Variants in TRAPPC9 observed in about 807,000 individuals in gnomAD.
TRAPPC9 encodes the protein trafficking protein particle complex subunit 9.
A neutral mutation model predicts 124.0 loss-of-function variants in TRAPPC9; 83 were observed. That is an observed-to-expected ratio of 0.67 (90% CI 0.56 to 0.80). The LOEUF is 0.80. TRAPPC9 is among the 30% of genes least tolerant of loss of function. TRAPPC9 has a pLI of 0.00. For missense variants in TRAPPC9, 1,302 were observed against 1,508.3 expected (o/e 0.86, Z 2.27); for synonymous variants, 638 against 617.5 (o/e 1.03, Z -0.49).
rs140999098 is a variant in TRAPPC9, at chr8:140,365,594, T to C, written c.1351+5370A>G. ...CATCTGAATGCACCCAGCTCTGAGC[T>C]GCAGATGGCTGGCAAGCAGGGCCCA... On this transcript the variant is annotated intron_variant, in intron 8 of 22. Transcript: ENST00000438773. Among the ~76,000 whole-genome samples the C allele has an allele frequency of 5.4e-4, 83 of 152,334 alleles. No individual in the cohort carries two copies. In the East Asian group the frequency reaches 0.015, roughly 28 times the overall value.
chr8:140,242,303 C>G (rs770564718), intron 16 of TRAPPC9, among the ~76,000 whole-genome samples: 1 of 152,066 alleles, frequency 6.6e-6, no homozygotes, highest in Non-Finnish European at 1.5e-5. Context: ...ACTAGGCTCC[C>G]GTGAAGGCTC....
rs139973222 is a variant in TRAPPC9, at chr8:140,287,440, C to T, written c.1981+168G>A. Among the ~76,000 whole-genome samples the T allele has an allele frequency of 3.3e-3, 502 of 152,206 alleles. 2 individuals carry two copies. The highest frequency in any genetic ancestry group is 0.011 in the African/African-American group (458 of 41,528). ...GGACCCCTCCCACCACCACACATCC[C>T]GCACCCCACGAACAGGTTTTTTTCA... On this transcript the variant is annotated intron_variant, in intron 13 of 22. Transcript: ENST00000438773.
In TRAPPC9 at chr8:139,801,859, C is replaced by T. The variant is rs1823555566; in HGVS notation, c.3056-69657G>A. Among the ~76,000 whole-genome samples, 3 of 152,188 alleles carry T rather than the reference C, an allele frequency of 2.0e-5. No individual in the cohort carries two copies. The East Asian group carries it at 5.8e-4, about 29-fold the overall frequency. On this transcript the variant is annotated intron_variant, in intron 21 of 22. Coordinates refer to ENST00000438773, the MANE Select transcript of TRAPPC9 (RefSeq NM_001160372.4). The stretch of plus-strand genomic sequence containing the variant: ...TGCAAACCCTGAAGCAGTGGTCTGC[C>T]TGTCAACAATCTGCGCCTCTCGGTA...
intron 17 of TRAPPC9, among the ~76,000 whole-genome samples, chr8:140,055,813 G>A (rs1751839205): frequency 1.3e-5 from 2 of 152,042 alleles, no homozygotes; most frequent in African/African-American, 4.8e-5. Context: ...TGAAAGACTT[G>A]TACATTGAAA....
chr8:139,772,167 G>A (rs186703080), intron 21 of TRAPPC9, among the ~76,000 whole-genome samples: 37 of 152,274 alleles, frequency 2.4e-4, no homozygotes, highest in Admixed American at 5.2e-4. Flanking sequence ...TAAGCCAAAC[G>A]GCCCACACGT....
chr8:139,997,310 A>G (rs1838068162), intron 18 of TRAPPC9, among the ~76,000 whole-genome samples: 1 of 151,898 alleles, frequency 6.6e-6, no homozygotes, highest in Admixed American at 6.5e-5. Flanking sequence ...AATGCATCCT[A>G]CCCAGGGGAG....
intron 19 of TRAPPC9, among the ~76,000 whole-genome samples, chr8:139,987,395 C>T (rs1053751821): frequency 6.6e-6 from 1 of 152,194 alleles, no homozygotes; most frequent in African/African-American, 2.4e-5. Flanking sequence ...TGCTCCACAC[C>T]CTCACCAACA....
At chr8:139,773,790 C>T (rs148727379) in intron 21 of TRAPPC9, among the ~76,000 whole-genome samples, 51 of 152,364 alleles carry the variant, frequency 3.3e-4, no homozygotes, top group African/African-American at 1.1e-3. Context: ...TGCATTCATT[C>T]ATCCAGCGAC....
chr8:140,173,097 T>C (rs2061997012), intron 17 of TRAPPC9, among the ~76,000 whole-genome samples: 1 of 152,118 alleles, frequency 6.6e-6, no homozygotes, highest in East Asian at 1.9e-4. Flanking sequence ...TTCCATAGGG[T>C]CTGCATTTGT....
chr8:140,301,991 A>G (rs937466992), intron 10 of TRAPPC9, among the ~76,000 whole-genome samples: 3 of 152,242 alleles, frequency 2.0e-5, no homozygotes, highest in Non-Finnish European at 2.9e-5. Context: ...ACAGTAAATC[A>G]CGAAGATTTC....
rs947309067 is a variant in TRAPPC9, at chr8:139,851,167, G to A, written c.3055+34712C>T. Among the ~76,000 whole-genome samples the A allele has an allele frequency of 2.0e-5, 3 of 152,204 alleles. No homozygotes were observed. The South Asian group carries it at 6.2e-4, about 32-fold the overall frequency. On this transcript the variant is annotated intron_variant, in intron 21 of 22. Transcript: ENST00000438773. Reference sequence around the variant, plus strand: ...TTCTGTATAACAATGTGATCAGACAGCGATATGAACCACTGCAGAGAGGTA... The same window carrying A: ...TTCTGTATAACAATGTGATCAGACAACGATATGAACCACTGCAGAGAGGTA...
chr8:140,254,930 AG>A (rs2131519540), intron 15 of TRAPPC9, among the ~76,000 whole-genome samples: 2 of 152,366 alleles, frequency 1.3e-5, no homozygotes, highest in South Asian at 4.1e-4. Context: ...ACAGGAGCTC[AG>A]GGGAAGACGG....
intron 19 of TRAPPC9, among the ~76,000 whole-genome samples, chr8:139,918,182 A>G (rs2131321211): frequency 6.6e-6 from 1 of 152,320 alleles, no homozygotes; most frequent in South Asian, 2.1e-4. Context: ...CGTGAGGCCC[A>G]TTATTTCTTC....
rs181858705 is a variant in TRAPPC9, at chr8:139,749,248, G to A, written c.3056-17046C>T. ...AAGCACATCCAGCCCCCAGCAACCCGCCATGGCCTGCATGGCCCACACGGG... is the reference window on the plus strand; with the variant it reads ...AAGCACATCCAGCCCCCAGCAACCCACCATGGCCTGCATGGCCCACACGGG... On this transcript the variant is annotated intron_variant, in intron 21 of 22. Coordinates refer to ENST00000438773, the MANE Select transcript of TRAPPC9 (RefSeq NM_001160372.4). Among the ~76,000 whole-genome samples the A allele has an allele frequency of 2.9e-3, 440 of 152,232 alleles. 1 individual carries two copies. Among genetic ancestry groups the A allele is most frequent in the Non-Finnish European group, 4.3e-3 (295 of 67,998 alleles).
chr8:140,136,136 C>T (rs1052543920), intron 17 of TRAPPC9, among the ~76,000 whole-genome samples: 3 of 152,022 alleles, frequency 2.0e-5, no homozygotes, highest in Non-Finnish European at 2.9e-5. Flanking sequence ...ACATTCCCCA[C>T]GCCCTGCAAA....
chr8:140,387,609 C>A (rs543449285), intron 7 of TRAPPC9, among the ~76,000 whole-genome samples: 1 of 152,184 alleles, frequency 6.6e-6, no homozygotes, highest in African/African-American at 2.4e-5. Flanking sequence ...ATGCAGCCAA[C>A]AGACACATGA....
chr8:140,139,479 G>A (rs1051659748), intron 17 of TRAPPC9, among the ~76,000 whole-genome samples: 7 of 152,220 alleles, frequency 4.6e-5, no homozygotes, highest in South Asian at 2.1e-4. Flanking sequence ...AGACACAGAC[G>A]AAAACATCCA....
intron 16 of TRAPPC9, among the ~76,000 whole-genome samples, chr8:140,240,262 G>A (rs2063827710): frequency 6.6e-6 from 1 of 152,080 alleles, no homozygotes; most frequent in Non-Finnish European, 1.5e-5. Flanking sequence ...TTTTTCTAGG[G>A]GGGGACAGAA....
At chr8:140,218,874 C>T (rs1462127531) in intron 17 of TRAPPC9, among the ~76,000 whole-genome samples, 2 of 152,040 alleles carry the variant, frequency 1.3e-5, no homozygotes, top group African/African-American at 2.4e-5. Context: ...GCAGGAAAAT[C>T]GCTTGAACCC....
Sources: gnomAD v4.1 joint callset for allele counts (sites outside exome capture counted in the v4.1 genomes callset) on GRCh38, gnomAD v4.1.1 for gene constraint, MANE v1.5 for transcripts, NCBI Gene and HGNC (gene_info 2026-07-23, HGNC 2026-07-21) for gene names.